The following PABPC4L variants were observed in gnomAD, a reference collection of about 807,000 sequenced individuals.
PABPC4L encodes the protein poly(A) binding protein cytoplasmic 4 like.
For synonymous variants in PABPC4L, 169 were observed against 164.1 expected (o/e 1.03, Z -0.23); for missense variants, 452 against 451.4 (o/e 1.00, Z -0.01).
chr4:134,152,303 G>GT, the PABPC4L span, among the ~76,000 whole-genome samples: 1 of 152,092 alleles, frequency 6.6e-6, no homozygotes, highest in African/African-American at 2.4e-5. Flanking sequence ...ACATTATAAA[G>GT]TATGTTAGGA....
the PABPC4L span, among the ~76,000 whole-genome samples, chr4:134,118,587 C>T: frequency 6.6e-6 from 1 of 151,178 alleles, no homozygotes; most frequent in South Asian, 2.1e-4. Context: ...CCTGTTTGAC[C>T]AAGAATTTCA....
At chr4:134,117,077 C>T in the PABPC4L span, among the ~76,000 whole-genome samples, 7 of 150,316 alleles carry the variant, frequency 4.7e-5, no homozygotes, top group Non-Finnish European at 7.4e-5. Flanking sequence ...ATATTCTTTT[C>T]GTTCAGCAAT....
At chr4:134,114,380 G>A in the PABPC4L span, among the ~76,000 whole-genome samples, 2 of 151,926 alleles carry the variant, frequency 1.3e-5, no homozygotes, top group South Asian at 4.2e-4. Context: ...AGAATGTAGA[G>A]GAGGGGTCAG....
chr4:134,007,694 T>G, the PABPC4L span, among the ~76,000 whole-genome samples: 1 of 151,708 alleles, frequency 6.6e-6, no homozygotes, highest in Non-Finnish European at 1.5e-5. Context: ...ACTATAGATC[T>G]TTTTGTATAA....
At chr4:134,120,903 G>T in the PABPC4L span, among the ~76,000 whole-genome samples, 2 of 151,084 alleles carry the variant, frequency 1.3e-5, no homozygotes, top group Non-Finnish European at 3.0e-5. Flanking sequence ...TTTTTAAATT[G>T]TTTTTCTCCT....
At chr4:133,963,574 A>G in the PABPC4L span, among the ~76,000 whole-genome samples, 1 of 152,110 alleles carries the variant, frequency 6.6e-6, no homozygotes, top group African/African-American at 2.4e-5. Flanking sequence ...TTTCTCCAAG[A>G]TAGACCTTAT....
the PABPC4L span, among the ~76,000 whole-genome samples, chr4:134,139,930 T>C: frequency 1.3e-5 from 2 of 151,894 alleles, no homozygotes; most frequent in South Asian, 2.1e-4. Context: ...AAATTGTTTA[T>C]GGTGATGCAT....
At chr4:134,055,471 A>T in the PABPC4L span, among the ~76,000 whole-genome samples, 2 of 151,730 alleles carry the variant, frequency 1.3e-5, no homozygotes, top group South Asian at 2.1e-4. Context: ...CTAGCAAACA[A>T]CTCTTAAGGG....
At chr4:134,089,038 T>C in the PABPC4L span, among the ~76,000 whole-genome samples, 2 of 152,164 alleles carry the variant, frequency 1.3e-5, no homozygotes, top group East Asian at 3.9e-4. Flanking sequence ...CTTTAAAAGA[T>C]GAGGAAAGGA....
At chr4:134,193,245 C>CT (rs372345679), downstream of PABPC4L, among the ~76,000 whole-genome samples, 1,407 of 147,936 alleles carry the variant, frequency 9.5e-3, 12 homozygotes, top group African/African-American at 0.033. Context: ...ACTTACTTTA[C>CT]TTTTTTTTTT....
chr4:133,949,098 TCA>T, the PABPC4L span, among the ~76,000 whole-genome samples: 1 of 152,182 alleles, frequency 6.6e-6, no homozygotes, highest in Non-Finnish European at 1.5e-5. Flanking sequence ...TTCTAAATTT[TCA>T]CAGTTGTGTG....
chr4:133,956,994 G>A, the PABPC4L span, among the ~76,000 whole-genome samples: 1 of 152,210 alleles, frequency 6.6e-6, no homozygotes, highest in South Asian at 2.1e-4. Flanking sequence ...TGATTTGGGT[G>A]GGGACACAAT....
the PABPC4L span, among the ~76,000 whole-genome samples, chr4:134,127,666 G>A: frequency 6.6e-5 from 10 of 152,130 alleles, no homozygotes; most frequent in African/African-American, 2.2e-4. Context: ...CTTGAGTCCC[G>A]GATCTTCCCT....
chr4:134,059,711 T>C, the PABPC4L span, among the ~76,000 whole-genome samples: 1 of 151,540 alleles, frequency 6.6e-6, no homozygotes, highest in South Asian at 2.1e-4. Context: ...GGAAGTCCCC[T>C]GAAATGTTGA....
the PABPC4L span, among the ~76,000 whole-genome samples, chr4:134,182,127 T>C: frequency 1.3e-5 from 2 of 151,462 alleles, no homozygotes; most frequent in African/African-American, 4.8e-5. Flanking sequence ...ATCTAAAAAT[T>C]CACATTAAAC....
the PABPC4L span, among the ~76,000 whole-genome samples, chr4:133,994,490 G>T: frequency 6.6e-6 from 1 of 152,182 alleles, no homozygotes; most frequent in East Asian, 1.9e-4. Context: ...ACATGTTAGG[G>T]GATGCGTGCT....
the PABPC4L span, among the ~76,000 whole-genome samples, chr4:134,022,238 G>A: frequency 6.6e-6 from 1 of 151,978 alleles, no homozygotes; most frequent in African/African-American, 2.4e-5. Context: ...GTTTGCCCCA[G>A]TATCCAAGTT....
At chr4:134,166,368 TAAAAG>T in the PABPC4L span, among the ~76,000 whole-genome samples, 3 of 152,078 alleles carry the variant, frequency 2.0e-5, no homozygotes, top group Non-Finnish European at 4.4e-5. Flanking sequence ...GAAATAAAAA[TAAAAG>T]AAAATAGTTA....
the PABPC4L span, among the ~76,000 whole-genome samples, chr4:134,125,591 A>T: frequency 6.6e-6 from 1 of 152,192 alleles, no homozygotes; most frequent in Non-Finnish European, 1.5e-5. Flanking sequence ...TCATTATTAC[A>T]TGAAACAATA....
Sources: allele counts gnomAD v4.1 joint callset (sites outside exome capture counted in the v4.1 genomes callset), GRCh38; gene constraint gnomAD v4.1.1; transcripts MANE v1.5; gene names NCBI Gene and HGNC (gene_info 2026-07-23, HGNC 2026-07-21).